The following GPR32 variants were observed in gnomAD, a reference collection of about 807,000 sequenced individuals.
GPR32 encodes G protein-coupled receptor 32, also known as probable G protein-coupled receptor 32.
For missense variants in GPR32, 433 were observed against 454.1 expected (o/e 0.95, Z 0.42); for synonymous variants, 215 against 195.3 (o/e 1.10, Z -0.84).
chr19:50,771,353 C>T lies in GPR32; in HGVS notation c.753C>T (p.Ala251=). 6.2e-7 allele frequency: 1 copy of T among 1,614,168 alleles called. No homozygotes were observed. Among genetic ancestry groups the T allele is most frequent in the Non-Finnish European group, 8.5e-7 (1 of 1,180,032 alleles). Reference sequence around the variant, plus strand: ...TCTTGCGGGAGGGCTGGGTCCATGCCAACCGGCCCAAGAGGCTGCTGCTGG... The same window carrying T: ...TCTTGCGGGAGGGCTGGGTCCATGCTAACCGGCCCAAGAGGCTGCTGCTGG... ...AKLLREGWVH[A]NRPKRLLLVL... is the part of the protein sequence containing the mutation. Residue 251 remains alanine, a synonymous_variant, in exon 1 of 1, where the codon GCC becomes GCT. Coordinates refer to ENST00000270590, the MANE Select transcript of GPR32 (RefSeq NM_001506.2).
Position 50,770,834 on chromosome 19 carries a change from C to G in GPR32, c.234C>G (p.Thr78=), listed in dbSNP as rs771826086. 2 of 1,614,122 alleles carry G rather than the reference C, an allele frequency of 1.2e-6. No individual in the cohort carries two copies. Among genetic ancestry groups the G allele is most frequent in the South Asian group, 1.1e-5 (1 of 91,074 alleles). ...TVFRMARTVS[T]VCFFHLALAD... ...TCCGTATGGCACGCACGGTCTCCAC[C>G]GTCTGCTTCTTCCACCTGGCCCTTG... The change falls in exon 1 of 1, where the codon ACC becomes ACG. Residue 78 remains threonine (T), a synonymous_variant. Transcript: ENST00000270590.
At position 50,771,330 on chromosome 19, in the gene GPR32, T is replaced by C; in HGVS notation, c.730T>C (p.Leu244=). The change falls in exon 1 of 1, where the codon TTG becomes CTG. Residue 244 remains leucine (L), a synonymous_variant. Transcript: ENST00000270590. The part of the protein sequence containing the change: ...TCAHLIRAKL[L]REGWVHANRP... The stretch of plus-strand genomic sequence containing the variant: ...CGCCCACCTCATCCGGGCCAAGCTC[T>C]TGCGGGAGGGCTGGGTCCATGCCAA... The C allele has an allele frequency of 6.2e-7, 1 of 1,614,088 alleles. No individual in the cohort carries two copies.
Position 50,771,053 on chromosome 19 carries a change from C to G in GPR32, c.453C>G (p.Asn151Lys), listed in dbSNP as rs2089397435. Residue 151 changes from asparagine to lysine, a missense_variant, in exon 1 of 1, where the codon AAC becomes AAG. Physicochemically the swap from Asn to Lys is moderately conservative, Grantham distance 94 (BLOSUM62 0). Coordinates refer to ENST00000270590, the MANE Select transcript of GPR32 (RefSeq NM_001506.2). ...ISVLYPVWAL[N>K]HRTVQRASWL... ...TCCTCTACCCCGTCTGGGCCCTGAA[C>G]CACCGCACTGTGCAGCGGGCGAGCT... 6.2e-7 allele frequency: 1 copy of G among 1,614,174 alleles called. No homozygotes were observed. Among genetic ancestry groups the G allele is most frequent in the Non-Finnish European group, 8.5e-7 (1 of 1,180,036 alleles).
Position 50,771,289 on chromosome 19 carries a change from C to A in GPR32, c.689C>A (p.Ala230Glu), listed in dbSNP as rs910988048. The A allele has an allele frequency of 4.3e-6, 7 of 1,613,998 alleles. No individual in the cohort carries two copies. The African/African-American group carries it at 9.3e-5, about 22-fold the overall frequency. Residue 230 changes from alanine to glutamate, a missense_variant, in exon 1 of 1, where the codon GCA (alanine) becomes GAA (glutamate). Coordinates refer to ENST00000270590, the MANE Select transcript of GPR32 (RefSeq NM_001506.2). The stretch of plus-strand genomic sequence containing the variant: ...CTGCTGGGCTTCCTGGGGCCCTTAG[C>A]AATCATAGGCACCTGCGCCCACCTC... ...HFLLGFLGPLAIIGTCAHLIR... is the reference protein window; with the variant it reads ...HFLLGFLGPLEIIGTCAHLIR...
Position 50,771,009 on chromosome 19 carries a change from G to A in GPR32, c.409G>A (p.Val137Met). 9.3e-6 allele frequency: 15 copies of A among 1,614,126 alleles called. No homozygotes were observed. The highest frequency in any genetic ancestry group is 1.3e-5 in the Non-Finnish European group (15 of 1,180,024). The change falls in exon 1 of 1, where the codon GTG (valine) becomes ATG (methionine). Residue 137 changes from valine to methionine, a missense_variant. Val to Met is a conservative substitution (Grantham distance 21, BLOSUM62 1). Coordinates refer to ENST00000270590, the MANE Select transcript of GPR32 (RefSeq NM_001506.2). ...ASNCLLVFIS[V>M]DRCISVLYPV... ...TAACTGCCTCCTTGTCTTCATCTCT[G>A]TGGACCGTTGCATCTCTGTCCTCTA...
rs2089401006 is a variant in GPR32 at position 50,771,556 on chromosome 19, T to C, written c.956T>C (p.Val319Ala). ...CTCAACCCCTTCCTCTACGTCTTCG[T>C]TGGCAGAGATTTCCAAGAAAAGTTT... ...SSLNPFLYVF[V>A]GRDFQEKFFQ... The change falls in exon 1 of 1, where the codon GTT becomes GCT. Residue 319 changes from valine to alanine, a missense_variant. Physicochemically the swap from Val to Ala is moderately conservative, Grantham distance 64. Coordinates refer to ENST00000270590, the MANE Select transcript of GPR32 (RefSeq NM_001506.2). 1.2e-6 allele frequency: 2 copies of C among 1,614,202 alleles called. No homozygotes were observed. Among genetic ancestry groups the C allele is most frequent in the Non-Finnish European group, 8.5e-7 (1 of 1,180,014 alleles).
chr19:50,771,560 C>T lies in GPR32; in HGVS notation c.960C>T (p.Gly320=), dbSNP rs1306346325. Residue 320 remains glycine (G), a synonymous_variant, in exon 1 of 1, where the codon GGC becomes GGT. Transcript: ENST00000270590. The part of the protein sequence containing the change: ...SLNPFLYVFV[G]RDFQEKFFQS... ...ACCCCTTCCTCTACGTCTTCGTTGG[C>T]AGAGATTTCCAAGAAAAGTTTTTCC... The T allele has an allele frequency of 1.9e-6, 3 of 1,613,972 alleles. No individual in the cohort carries two copies. Among genetic ancestry groups the T allele is most frequent in the Admixed American group, 3.3e-5 (2 of 59,996 alleles).
At position 50,771,649 on chromosome 19, in the gene GPR32, G is replaced by T. The variant is rs767427575; in HGVS notation, c.1049G>T (p.Arg350Leu). Residue 350 changes from arginine to leucine, a missense_variant, in exon 1 of 1, where the codon CGT (arginine) becomes CTT (leucine). Coordinates refer to ENST00000270590, the MANE Select transcript of GPR32 (RefSeq NM_001506.2). The stretch of plus-strand genomic sequence containing the variant: ...GAGGAGTTTCTGTCATCCTGTCCCC[G>T]TGGCAACGCCCCCCGGGAATGATGG... ...GEEEFLSSCP[R>L]GNAPRE 3.7e-6 allele frequency: 6 copies of T among 1,611,838 alleles called. No homozygotes were observed. The South Asian group carries it at 4.4e-5, about 12-fold the overall frequency.
chr19:50,770,704 T>C lies in GPR32; in HGVS notation c.104T>C (p.Leu35Pro). The part of the protein sequence containing the change: ...CSRKMNSSGC[L>P]SEEVGSLRPL... ...AGGAAGATGAACTCTTCCGGATGCC[T>C]GTCTGAGGAGGTGGGGTCCCTCCGC... Residue 35 changes from leucine (L) to proline (P), a missense_variant, in exon 1 of 1, where the codon CTG becomes CCG. By Grantham distance (98) the Leu-to-Pro change is moderately conservative (BLOSUM62 -3). Transcript: ENST00000270590. 2 of 1,614,118 alleles carry C rather than the reference T, an allele frequency of 1.2e-6. No individual in the cohort carries two copies. The highest frequency in any genetic ancestry group is 1.7e-6 in the Non-Finnish European group (2 of 1,179,996).
Position 50,770,821 on chromosome 19 carries a change from G to T in GPR32, c.221G>T (p.Arg74Leu). 1.9e-6 allele frequency: 3 copies of T among 1,614,078 alleles called. No individual in the cohort carries two copies. Among genetic ancestry groups the T allele is most frequent in the Non-Finnish European group, 2.5e-6 (3 of 1,179,982 alleles). Residue 74 changes from arginine (R) to leucine (L), a missense_variant, in exon 1 of 1, where the codon CGC becomes CTC. By Grantham distance (102) the Arg-to-Leu change is moderately radical. Coordinates refer to ENST00000270590, the MANE Select transcript of GPR32 (RefSeq NM_001506.2). ...VLWMTVFRMA[R>L]TVSTVCFFHL... ...TGGATGACTGTCTTCCGTATGGCAC[G>T]CACGGTCTCCACCGTCTGCTTCTTC...
Position 50,770,745 on chromosome 19 carries a change from A to G in GPR32, c.145A>G (p.Ile49Val), listed in dbSNP as rs1172263809. 6.2e-7 allele frequency: 1 copy of G among 1,613,930 alleles called. No homozygotes were observed. The highest frequency in any genetic ancestry group is 8.5e-7 in the Non-Finnish European group (1 of 1,180,036). ...GTCCCTCCGCCCACTGACTGTGGTT[A>G]TCCTGTCTGCGTCCATTGTCGTCGG... ...VGSLRPLTVV[I>V]LSASIVVGVL... The change falls in exon 1 of 1, where the codon ATC (isoleucine) becomes GTC (valine). Residue 49 changes from isoleucine (I) to valine (V), a missense_variant. Transcript: ENST00000270590.
At position 50,771,409 on chromosome 19, in the gene GPR32, C is replaced by T; in HGVS notation, c.809C>T (p.Ser270Phe). The T allele has an allele frequency of 1.2e-6, 2 of 1,614,110 alleles. No individual in the cohort carries two copies. The highest frequency in any genetic ancestry group is 1.7e-5 in the Admixed American group (1 of 59,998). The change falls in exon 1 of 1, where the codon TCC (serine) becomes TTC (phenylalanine). Residue 270 changes from serine to phenylalanine, a missense_variant. Ser to Phe is a radical substitution (Grantham distance 155). Transcript: ENST00000270590. ...VLVSAFFIFW[S>F]PFNVVLLVHL... is the part of the protein sequence containing the mutation. ...GTGAGCGCTTTCTTTATCTTCTGGT[C>T]CCCGTTTAACGTGGTGCTGTTGGTC...
chr19:50,770,991 C>A lies in GPR32; in HGVS notation c.391C>A (p.Leu131Ile). The A allele has an allele frequency of 6.2e-7, 1 of 1,614,166 alleles. No homozygotes were observed. The highest frequency in any genetic ancestry group is 8.5e-7 in the Non-Finnish European group (1 of 1,180,028). Residue 131 changes from leucine (L) to isoleucine (I), a missense_variant, in exon 1 of 1, where the codon CTC becomes ATC. Transcript: ENST00000270590. ...VFLSYFASNC[L>I]LVFISVDRCI... ...CCTCAGCTACTTTGCCAGTAACTGCCTCCTTGTCTTCATCTCTGTGGACCG... is the reference window on the plus strand; with the variant it reads ...CCTCAGCTACTTTGCCAGTAACTGCATCCTTGTCTTCATCTCTGTGGACCG...
chr19:50,771,447 C>G lies in GPR32; in HGVS notation c.847C>G (p.Arg283Gly), dbSNP rs762467590. 1.9e-6 allele frequency: 3 copies of G among 1,614,030 alleles called. No individual in the cohort carries two copies. The African/African-American group carries it at 4.0e-5, about 22-fold the overall frequency. Residue 283 changes from arginine (R) to glycine (G), a missense_variant, in exon 1 of 1, where the codon CGG becomes GGG. Arg to Gly is a moderately radical substitution (Grantham distance 125). Transcript: ENST00000270590. ...NVVLLVHLWR[R>G]VMLKEIYHPR... The stretch of plus-strand genomic sequence containing the variant: ...GGTGCTGTTGGTCCATCTGTGGCGA[C>G]GGGTGATGCTCAAGGAAATCTACCA...
Position 50,771,071 on chromosome 19 carries a change from G to C in GPR32, c.471G>C (p.Arg157=). ...CCCTGAACCACCGCACTGTGCAGCG[G>C]GCGAGCTGGCTGGCCTTTGGGGTGT... ...VWALNHRTVQ[R]ASWLAFGVWL... is the part of the protein sequence containing the mutation. Residue 157 remains arginine (R), a synonymous_variant, in exon 1 of 1, where the codon CGG becomes CGC. Coordinates refer to ENST00000270590, the MANE Select transcript of GPR32 (RefSeq NM_001506.2). 1 of 1,614,136 alleles carries C rather than the reference G, an allele frequency of 6.2e-7. No individual in the cohort carries two copies. Among genetic ancestry groups the C allele is most frequent in the Non-Finnish European group, 8.5e-7 (1 of 1,180,046 alleles).
At position 50,770,823 on chromosome 19, in the gene GPR32, A is replaced by T; in HGVS notation, c.223A>T (p.Thr75Ser). ...GATGACTGTCTTCCGTATGGCACGC[A>T]CGGTCTCCACCGTCTGCTTCTTCCA... is the stretch of plus-strand genomic sequence containing the variant. ...LWMTVFRMARTVSTVCFFHLA... is the reference protein window; with the variant it reads ...LWMTVFRMARSVSTVCFFHLA... Residue 75 changes from threonine (T) to serine (S), a missense_variant, in exon 1 of 1, where the codon ACG becomes TCG. Transcript: ENST00000270590. The T allele has an allele frequency of 1.2e-6, 2 of 1,614,110 alleles. No homozygotes were observed. Among genetic ancestry groups the T allele is most frequent in the South Asian group, 2.2e-5 (2 of 91,068 alleles).
At position 50,771,184 on chromosome 19, in the gene GPR32, T is replaced by C. The variant is rs1358153775; in HGVS notation, c.584T>C (p.Phe195Ser). 2 of 1,614,126 alleles carry C rather than the reference T, an allele frequency of 1.2e-6. No homozygotes were observed. The highest frequency in any genetic ancestry group is 2.7e-5 in the African/African-American group (2 of 74,948). ...GGCTGTACGCACTGCTACTTGGCGT[T>C]CAACTCTGACAATGAGACTGCCCAG... ...WNGCTHCYLA[F>S]NSDNETAQIW... is the part of the protein sequence containing the mutation. The change falls in exon 1 of 1, where the codon TTC (phenylalanine) becomes TCC (serine). Residue 195 changes from phenylalanine (F) to serine (S), a missense_variant. Physicochemically the swap from Phe to Ser is radical, Grantham distance 155. Transcript: ENST00000270590.
At position 50,770,496 on chromosome 19, in the gene GPR32, C is replaced by A. The variant is rs1397499572; in HGVS notation, c.-105C>A. The A allele has an allele frequency of 5.4e-6, 4 of 740,476 alleles. No individual in the cohort carries two copies. Among genetic ancestry groups the A allele is most frequent in the African/African-American group, 1.8e-5 (1 of 56,404 alleles). 45.9% of individuals were successfully genotyped at this position (740,476 alleles called of 1,614,324 possible). On this transcript the variant is annotated 5_prime_UTR_variant, in exon 1 of 1. The change creates a new upstream start codon in the 5' untranslated region. Coordinates refer to ENST00000270590, the MANE Select transcript of GPR32 (RefSeq NM_001506.2). ...CCTAGGAGGTGGAGGCTGCAGTGAT[C>A]TGTGATTGTACCTTTGCACTCCAGC... is the stretch of plus-strand genomic sequence containing the variant.
At position 50,771,342 on chromosome 19, in the gene GPR32, T is replaced by C. The variant is rs777915638; in HGVS notation, c.742T>C (p.Trp248Arg). The stretch of plus-strand genomic sequence containing the variant: ...CCGGGCCAAGCTCTTGCGGGAGGGC[T>C]GGGTCCATGCCAACCGGCCCAAGAG... Reference protein sequence around the residue: ...LIRAKLLREGWVHANRPKRLL... With the variant: ...LIRAKLLREGRVHANRPKRLL... The change falls in exon 1 of 1, where the codon TGG becomes CGG. Residue 248 changes from tryptophan to arginine, a missense_variant. Transcript: ENST00000270590. 3.1e-6 allele frequency: 5 copies of C among 1,614,154 alleles called. No individual in the cohort carries two copies. The East Asian group carries it at 8.9e-5, about 29-fold the overall frequency.
Sources: gnomAD v4.1 joint callset for allele counts on GRCh38, gnomAD v4.1.1 for gene constraint, MANE v1.5 for transcripts, NCBI Gene and HGNC (gene_info 2026-07-23, HGNC 2026-07-21) for gene names.